Variants in SMARCA2 observed in about 807,000 individuals in gnomAD.
SMARCA2 encodes the protein SWI/SNF related BAF chromatin remodeling complex subunit ATPase 2, also known as SWI/SNF-related matrix-associated actin-dependent regulator of chromatin subfamily A member 2.
Under a neutral mutation model 199.8 loss-of-function variants are expected in SMARCA2, and 61 were observed. The ratio of observed to expected loss-of-function variants is 0.31; its 90% CI spans 0.25 to 0.38. The LOEUF (loss-of-function observed/expected upper bound fraction) is 0.38. Ranked by LOEUF, SMARCA2 falls within the 10% of genes least tolerant of loss-of-function variation. The probability of loss-of-function intolerance (pLI) is 1.00; values close to 1 mark genes in which losing one functional copy is unlikely to be tolerated. For synonymous variants in SMARCA2, 935 were observed against 732.0 expected (o/e 1.28, Z -4.48); for missense variants, 1,344 against 2,012.2 (o/e 0.67, Z 6.35).
intron 29 of SMARCA2, among the ~76,000 whole-genome samples, chr9:2,177,072 G>T (rs1195470909): frequency 6.6e-6 from 1 of 152,172 alleles, no homozygotes; most frequent in Admixed American, 6.5e-5. Context: ...ACTGGCTCAG[G>T]TTTCTGCAGG....
intron 10 of SMARCA2, 22 bp downstream of exon 10, chr9:2,070,493 C>G (rs770462698): frequency 6.3e-7 from 1 of 1,594,134 alleles, no homozygotes; most frequent in Non-Finnish European, 8.6e-7. Flanking sequence ...TCATCCTTTC[C>G]ACTGTGTTCT....
intron 31 of SMARCA2, among the ~76,000 whole-genome samples, chr9:2,185,227 T>C (rs184559300): frequency 6.6e-6 from 1 of 152,216 alleles, no homozygotes; most frequent in African/African-American, 2.4e-5. Flanking sequence ...ACTTTCTGTT[T>C]CTATGAATTT....
chr9:2,087,293 T>C, intron 18 of SMARCA2: 1 of 547,210 alleles, frequency 1.8e-6, no homozygotes. Flanking sequence ...CCCTTTGTCT[T>C]TTGCCAGCAT....
At chr9:2,041,420 TCA>T in intron 4 of SMARCA2, 1 of 398,670 alleles carries the variant, frequency 2.5e-6, no homozygotes, top group Admixed American at 4.4e-5. Flanking sequence ...GGCTTCCTTC[TCA>T]CTGTGTCCTC....
chr9:2,130,300 AC>A (rs1444686447), intron 27 of SMARCA2, among the ~76,000 whole-genome samples: 1 of 152,142 alleles, frequency 6.6e-6, no homozygotes, highest in African/African-American at 2.4e-5. Context: ...GAGTGATAGC[AC>A]CATGTGCTGT....
intron 29 of SMARCA2, among the ~76,000 whole-genome samples, chr9:2,172,888 G>A (rs531017161): frequency 3.9e-5 from 6 of 152,276 alleles, no homozygotes; most frequent in African/African-American, 7.2e-5. Flanking sequence ...ATTTGTGTTC[G>A]GAAATGTCAC....
At chr9:2,048,666 TA>T (rs1819987523) in intron 5 of SMARCA2, among the ~76,000 whole-genome samples, 1 of 152,228 alleles carries the variant, frequency 6.6e-6, no homozygotes, top group South Asian at 2.1e-4. Flanking sequence ...TAGATGTGTT[TA>T]TTTTTTTGGA....
intron 19 of SMARCA2, among the ~76,000 whole-genome samples, chr9:2,089,023 C>T (rs60947013): frequency 0.15 from 22,635 of 151,648 alleles, 2,117 homozygotes; most frequent in African/African-American, 0.26. Flanking sequence ...TACAGGTTTT[C>T]TAGAAATTTA....
chr9:2,064,984 A>C (rs1021130206), intron 9 of SMARCA2, among the ~76,000 whole-genome samples: 2 of 152,218 alleles, frequency 1.3e-5, no homozygotes, highest in African/African-American at 4.8e-5. Context: ...GGAGATCGAG[A>C]CCATCCTGGC....
At chr9:2,061,105 T>A in intron 9 of SMARCA2, 119 bp downstream of exon 9, 1 of 960,194 alleles carries the variant, frequency 1.0e-6, no homozygotes, top group Non-Finnish European at 1.5e-6. Flanking sequence ...GATGATTGAA[T>A]TGTGAAAATT....
In SMARCA2 at chr9:2,104,959, A is replaced by G. The variant is rs1038798021; in HGVS notation, c.3292+790A>G. Among the ~76,000 whole-genome samples the G allele has an allele frequency of 2.0e-5, 3 of 152,254 alleles. No individual in the cohort carries two copies. Among genetic ancestry groups the G allele is most frequent in the African/African-American group, 7.2e-5 (3 of 41,476 alleles). On this transcript the variant is annotated intron_variant, in intron 23 of 33. Coordinates refer to ENST00000349721, the MANE Select transcript of SMARCA2 (RefSeq NM_003070.5). This position sits in a 1 kb window ranked among gnomAD's most constrained non-coding sequence, Gnocchi z 4.0. ...TCAGGATGCTATTTAATCCCTGGGT[A>G]GAAAAGAGGATACTGCTAATACCAG...
In SMARCA2 at chr9:2,073,244, C is replaced by T; in HGVS notation, c.1779C>T (p.Leu593=). 1.9e-6 allele frequency: 3 copies of T among 1,614,174 alleles called. No individual in the cohort carries two copies. The highest frequency in any genetic ancestry group is 2.2e-5 in the East Asian group (1 of 44,878). Residue 593 remains leucine (L), a synonymous_variant, in exon 11 of 34, where the codon CTC becomes CTT. Transcript: ENST00000349721. ...ATGAGAGCAGCCAGATGAGTGACCT[C>T]CCTGTCAAAGTGACTCACACAGAAA... ...PIDESSQMSD[L]PVKVTHTETG...
chr9:2,134,591 GA>G (rs1824113335), intron 27 of SMARCA2, among the ~76,000 whole-genome samples: 2 of 152,192 alleles, frequency 1.3e-5, no homozygotes, highest in Non-Finnish European at 2.9e-5. Flanking sequence ...CAGGAGCCTG[GA>G]ATGTGAGTTC....
Position 2,115,317 on chromosome 9 carries a change from T to G in SMARCA2, c.3457-505T>G, listed in dbSNP as rs1362589532. Among the ~76,000 whole-genome samples, 1 of 152,222 alleles carries G rather than the reference T, an allele frequency of 6.6e-6. No homozygotes were observed. Among genetic ancestry groups the G allele is most frequent in the Non-Finnish European group, 1.5e-5 (1 of 68,044 alleles). ...TAAGGTTAGGTTCGAGGAAATTGAC[T>G]ACCTGAGCAGTCAGTGTGTGTGTAT... On this transcript the variant is annotated intron_variant, in intron 24 of 33. Coordinates refer to ENST00000349721, the MANE Select transcript of SMARCA2 (RefSeq NM_003070.5). The surrounding 1 kb of genome is among the most constrained non-coding windows in gnomAD (Gnocchi z 6.0).
At chr9:2,182,621 A>C (rs1827128220) in intron 31 of SMARCA2, among the ~76,000 whole-genome samples, 1 of 147,936 alleles carries the variant, frequency 6.8e-6, no homozygotes, top group Non-Finnish European at 1.5e-5. Flanking sequence ...CAGCCTCCCA[A>C]GTACCTGGGA....
intron 18 of SMARCA2, among the ~76,000 whole-genome samples, chr9:2,087,867 A>C (rs980321122): frequency 2.6e-5 from 4 of 152,204 alleles, no homozygotes; most frequent in Non-Finnish European, 5.9e-5. Flanking sequence ...CATTTGTAGA[A>C]AGTAGTGTCA....
intron 3 of SMARCA2, among the ~76,000 whole-genome samples, chr9:2,037,293 C>T (rs1819376881): frequency 1.3e-5 from 2 of 152,190 alleles, no homozygotes; most frequent in Admixed American, 1.3e-4. Flanking sequence ...GTCTTGCAAG[C>T]TTTCAAGGGA....
At chr9:2,129,479 C>G (rs1321789947) in intron 27 of SMARCA2, among the ~76,000 whole-genome samples, 1 of 152,188 alleles carries the variant, frequency 6.6e-6, no homozygotes. Context: ...GAAACCTGGG[C>G]TCCTCTGCCT....
intron 28 of SMARCA2, among the ~76,000 whole-genome samples, chr9:2,166,962 G>A (rs1825961869): frequency 1.3e-5 from 2 of 152,180 alleles, no homozygotes; most frequent in African/African-American, 4.8e-5. Context: ...ACCTCCTGCT[G>A]GCACTTAATG....
Sources: allele counts gnomAD v4.1 joint callset (sites outside exome capture counted in the v4.1 genomes callset), GRCh38; gene constraint gnomAD v4.1.1; non-coding constraint Gnocchi (gnomAD v3.1); transcripts MANE v1.5; gene names NCBI Gene and HGNC (gene_info 2026-07-23, HGNC 2026-07-21).